Variants in CALN1 observed in about 807,000 individuals in gnomAD.
The protein encoded by CALN1 is calcium-binding protein 8.
In CALN1, 17 loss-of-function variants were observed where a neutral mutation model predicts 30.6. The ratio of observed to expected loss-of-function variants is 0.56; its 90% CI spans 0.38 to 0.83. The LOEUF (loss-of-function observed/expected upper bound fraction) is 0.83, where lower values mean the gene tolerates loss of function less well. CALN1 is among the 40% of genes least tolerant of loss of function. The pLI, the probability that CALN1 is intolerant of heterozygous loss-of-function variation, is 0.00. For missense variants in CALN1, 291 were observed against 354.9 expected (o/e 0.82, Z 1.45); for synonymous variants, 156 against 131.4 (o/e 1.19, Z -1.28).
intron 3 of CALN1, among the ~76,000 whole-genome samples, chr7:72,222,790 G>A (rs2129549800): frequency 6.6e-6 from 1 of 152,278 alleles, no homozygotes; most frequent in East Asian, 1.9e-4. Context: ...GGAGACCAAA[G>A]GGCAAGGACT....
At chr7:72,097,005 C>T (rs907994847) in intron 4 of CALN1, among the ~76,000 whole-genome samples, 3 of 152,090 alleles carry the variant, frequency 2.0e-5, no homozygotes, top group Admixed American at 6.6e-5. Context: ...TCATATCCTT[C>T]GTAGGGACAT....
chr7:72,390,753 A>C (rs988767890), intron 2 of CALN1, among the ~76,000 whole-genome samples: 13 of 152,206 alleles, frequency 8.5e-5, no homozygotes, highest in African/African-American at 2.7e-4. Context: ...TGATTATTAT[A>C]TCTACCAATA....
upstream of CALN1, among the ~76,000 whole-genome samples, chr7:72,413,463 G>A (rs986717581): frequency 2.6e-5 from 4 of 151,168 alleles, no homozygotes; most frequent in Non-Finnish European, 5.9e-5. Context: ...ATGGACACAC[G>A]TGCATACTCA....
chr7:71,880,344 A>T (rs1201950816), intron 5 of CALN1, among the ~76,000 whole-genome samples: 1 of 152,152 alleles, frequency 6.6e-6, no homozygotes, highest in African/African-American at 2.4e-5. Context: ...TGCTTCAGGA[A>T]GACTATAATT....
chr7:72,099,510 T>C (rs1405808261), intron 4 of CALN1, among the ~76,000 whole-genome samples: 4 of 151,660 alleles, frequency 2.6e-5, no homozygotes, highest in Admixed American at 6.6e-5. Context: ...CTAAGGACAA[T>C]TAAATGCAGT....
intron 5 of CALN1, among the ~76,000 whole-genome samples, chr7:71,971,953 A>AAAAAAAAAAAAGAAAGAAAG (rs1797839188): frequency 2.7e-5 from 2 of 72,838 alleles, no homozygotes; most frequent in Admixed American, 2.1e-4. Context: ...AAAAAAAAAA[A>AAAAAAAAAAAAGAAAGAAAG]AAAGAAAGAA....
chr7:72,012,484 C>T (rs1800137449), intron 5 of CALN1, among the ~76,000 whole-genome samples: 1 of 152,156 alleles, frequency 6.6e-6, no homozygotes, highest in Non-Finnish European at 1.5e-5. Flanking sequence ...TGCACTCCAG[C>T]CTGGCAACAG....
At position 72,332,749 on chromosome 7, in the gene CALN1, G is replaced by C. The variant is rs770603195; in HGVS notation, c.120-53939C>G. Among the ~76,000 whole-genome samples, 130 of 152,034 alleles carry C rather than the reference G, an allele frequency of 8.6e-4. 2 individuals carry two copies. The highest frequency in any genetic ancestry group is 2.5e-4 in the Non-Finnish European group (17 of 68,008). ...TTATTGACGTTGTTAGCCAGACTTA[G>C]TTTCTGTTGCTTGCAACCCAAGGAT... On this transcript the variant is annotated intron_variant, in intron 2 of 6. Coordinates refer to ENST00000395275, the MANE Select transcript of CALN1 (RefSeq NM_031468.4).
At position 72,403,453 on chromosome 7, in the gene CALN1, T is replaced by C. The variant is rs1806485838; in HGVS notation, c.-73-11A>G. The C allele has an allele frequency of 5.2e-6, 6 of 1,143,352 alleles. No homozygotes were observed. Among genetic ancestry groups the C allele is most frequent in the Admixed American group, 2.4e-5 (1 of 41,046 alleles). The allele number at this position is 1,143,352 out of a possible 1,614,324, so 70.8% of individuals were successfully genotyped here. A position where few individuals can be genotyped will look rare whatever the true frequency, so the allele number is the denominator to read the frequency against. ...GAAGGCACTGAGACTCTGAAAGGAG[T>C]TGACAGAAACTTACAGCCTGCACAG... On this transcript the variant is annotated splice_polypyrimidine_tract_variant and intron_variant, in intron 1 of 6. Transcript: ENST00000395275.
At chr7:72,363,238 A>G (rs1803670327) in intron 2 of CALN1, among the ~76,000 whole-genome samples, 1 of 151,726 alleles carries the variant, frequency 6.6e-6, no homozygotes, top group Non-Finnish European at 1.5e-5. Flanking sequence ...ATGACACATT[A>G]TTTTATTTTT....
At chr7:71,943,630 G>A (rs1005938720) in intron 5 of CALN1, among the ~76,000 whole-genome samples, 3 of 151,894 alleles carry the variant, frequency 2.0e-5, no homozygotes, top group African/African-American at 7.3e-5. Context: ...TAATAGAGAT[G>A]GGGGCTTCAC....
At chr7:71,960,158 T>C (rs1387170556) in intron 5 of CALN1, among the ~76,000 whole-genome samples, 1 of 144,342 alleles carries the variant, frequency 6.9e-6, no homozygotes, top group African/African-American at 2.6e-5. Flanking sequence ...AATAAATAAA[T>C]AAATAAATAA....
At chr7:72,032,052 CTT>C (rs1184047697) in intron 4 of CALN1, among the ~76,000 whole-genome samples, 2 of 66,574 alleles carry the variant, frequency 3.0e-5, no homozygotes, top group Admixed American at 2.0e-4. Context: ...TGGCTCCTGG[CTT>C]TTTTTTTTTT....
intron 1 of CALN1, among the ~76,000 whole-genome samples, chr7:72,409,414 C>T (rs1806953124): frequency 1.3e-5 from 2 of 150,002 alleles, no homozygotes; most frequent in Middle Eastern, 3.4e-3. Context: ...ACATACCTCC[C>T]TTCCTCAGAG....
intron 3 of CALN1, among the ~76,000 whole-genome samples, chr7:72,162,252 A>G (rs1054519541): frequency 2.0e-5 from 3 of 152,122 alleles, no homozygotes; most frequent in Admixed American, 2.0e-4. Context: ...AATTAAATAT[A>G]TAACAATTGT....
In CALN1 at chr7:72,335,196, G is replaced by A. The variant is rs192241601; in HGVS notation, c.120-56386C>T. On this transcript the variant is annotated intron_variant, in intron 2 of 6. Coordinates refer to ENST00000395275, the MANE Select transcript of CALN1 (RefSeq NM_031468.4). The stretch of plus-strand genomic sequence containing the variant: ...AAAAATGAAATAAAACCACGAACAA[G>A]CCAAGAAGGAGAGCTGGAATGGGGC... Among the ~76,000 whole-genome samples, 24 of 152,254 alleles carry A rather than the reference G, an allele frequency of 1.6e-4. No individual in the cohort carries two copies. The East Asian group carries it at 3.9e-3, about 24-fold the overall frequency.
Position 72,106,141 on chromosome 7 carries a change from C to A in CALN1, c.388+10G>T. On this transcript the variant is annotated intron_variant, in intron 4 of 6. Transcript: ENST00000395275. ...TGTCTCAGGGGAGAAGCTGCTTGTC[C>A]GGGTCTTACCGTCCATGTCCAAGCG... 1 of 1,612,590 alleles carries A rather than the reference C, an allele frequency of 6.2e-7. No individual in the cohort carries two copies. Among genetic ancestry groups the A allele is most frequent in the Non-Finnish European group, 8.5e-7 (1 of 1,179,320 alleles).
intron 3 of CALN1, among the ~76,000 whole-genome samples, chr7:72,134,029 G>C (rs1296597653): frequency 6.6e-6 from 1 of 152,308 alleles, no homozygotes; most frequent in East Asian, 1.9e-4. Flanking sequence ...AGGCCTTTGG[G>C]GAAGTGGTTA....
intron 5 of CALN1, among the ~76,000 whole-genome samples, chr7:71,827,123 C>T (rs1788961377): frequency 6.6e-6 from 1 of 152,200 alleles, no homozygotes; most frequent in Admixed American, 6.5e-5. Flanking sequence ...TATTCCCCTA[C>T]ATCATGGGTG....
Sources: allele counts gnomAD v4.1 joint callset (sites outside exome capture counted in the v4.1 genomes callset), GRCh38; gene constraint gnomAD v4.1.1; transcripts MANE v1.5; gene names NCBI Gene and HGNC (gene_info 2026-07-23, HGNC 2026-07-21).